GRM5: variants seen among roughly 807,000 people sequenced by gnomAD.
The protein encoded by GRM5 is glutamate metabotropic receptor 5, also known as metabotropic glutamate receptor 5.
A neutral mutation model predicts 83.1 loss-of-function variants in GRM5; 19 were observed. The observed-to-expected ratio is 0.23, with a 90% CI of 0.16 to 0.34. The LOEUF is 0.34. Among genes scored for constraint, GRM5 ranks in the 10% least tolerant of loss-of-function variants. The pLI is 1.00. For synonymous variants in GRM5, 675 were observed against 633.6 expected (o/e 1.07, Z -0.98); for missense variants, 1,160 against 1,588.3 (o/e 0.73, Z 4.58).
intron 3 of GRM5, among the ~76,000 whole-genome samples, chr11:88,761,836 G>C (rs980350189): frequency 3.7e-4 from 44 of 118,774 alleles, no homozygotes; most frequent in African/African-American, 9.8e-4. Context: ...AAAAAGCATG[G>C]TACTGGTACA....
intron 3 of GRM5, among the ~76,000 whole-genome samples, chr11:88,842,088 C>A (rs1339922289): frequency 1.3e-5 from 2 of 152,026 alleles, no homozygotes; most frequent in Admixed American, 1.3e-4. Flanking sequence ...CAAGTGTGCA[C>A]AAAAGTTTTG....
chr11:88,720,278 T>C (rs1355931840), intron 3 of GRM5, among the ~76,000 whole-genome samples: 1 of 151,086 alleles, frequency 6.6e-6, no homozygotes, highest in Admixed American at 6.6e-5. Context: ...TGTGAACTTT[T>C]AAGATAATAC....
intron 3 of GRM5, among the ~76,000 whole-genome samples, chr11:88,680,024 G>A: frequency 6.6e-6 from 1 of 152,104 alleles, no homozygotes; most frequent in East Asian, 1.9e-4. Flanking sequence ...ATTCTCTGCT[G>A]TTGTGCTGGT....
intron 3 of GRM5, among the ~76,000 whole-genome samples, chr11:88,768,603 T>C (rs766799963): frequency 1.3e-5 from 2 of 148,480 alleles, no homozygotes; most frequent in Non-Finnish European, 3.0e-5. Flanking sequence ...ATTTTTGTTA[T>C]ATGTATGAAC....
At chr11:88,808,103 A>G (rs949345681) in intron 3 of GRM5, among the ~76,000 whole-genome samples, 3 of 152,150 alleles carry the variant, frequency 2.0e-5, no homozygotes, top group Admixed American at 6.5e-5. Flanking sequence ...ATGTGATGGT[A>G]TATATATTAC....
intron 2 of GRM5, among the ~76,000 whole-genome samples, chr11:88,926,226 C>A (rs561472284): frequency 9.2e-5 from 14 of 152,252 alleles, no homozygotes; most frequent in Admixed American, 7.2e-4. Context: ...AAACCAAATC[C>A]TTCTAAAATC....
At chr11:88,705,872 A>G (rs4344492) in intron 3 of GRM5, among the ~76,000 whole-genome samples, 28,213 of 151,940 alleles carry the variant, frequency 0.19, 5,112 homozygotes, top group African/African-American at 0.46. Flanking sequence ...TTCAAAATAC[A>G]TATATCAAAC....
chr11:89,053,684 A>G (rs1016825992), intron 1 of GRM5, among the ~76,000 whole-genome samples: 2 of 4,186 alleles, frequency 4.8e-4, no homozygotes, highest in African/African-American at 1.3e-3. Flanking sequence ...TTTAAAAGCA[A>G]AAAAAAAAAA....
chr11:88,987,708 C>G (rs529277455), intron 2 of GRM5, among the ~76,000 whole-genome samples: 243 of 152,124 alleles, frequency 1.6e-3, no homozygotes, highest in African/African-American at 5.0e-3. Context: ...GACCCCTGAC[C>G]CCCGAGCAGC....
At chr11:88,669,116 C>T (rs1259082927) in intron 3 of GRM5, among the ~76,000 whole-genome samples, 2 of 152,058 alleles carry the variant, frequency 1.3e-5, no homozygotes, top group Non-Finnish European at 2.9e-5. Flanking sequence ...TTGTTCACAA[C>T]AATCAAGATG....
intron 3 of GRM5, among the ~76,000 whole-genome samples, chr11:88,809,433 G>T (rs1943551967): frequency 6.6e-6 from 1 of 151,986 alleles, no homozygotes; most frequent in Non-Finnish European, 1.5e-5. Context: ...AGGTTATATA[G>T]ATTCATTTGG....
intron 1 of GRM5, chr11:89,063,615 T>A (rs1374377884): frequency 6.6e-6 from 1 of 152,078 alleles, no homozygotes; most frequent in African/African-American, 2.4e-5. Context: ...TCAAGCTCAT[T>A]CCCTCCGCTC....
At chr11:88,896,568 CA>C (rs1355233265) in intron 2 of GRM5, among the ~76,000 whole-genome samples, 8 of 151,642 alleles carry the variant, frequency 5.3e-5, no homozygotes, top group Non-Finnish European at 8.8e-5. Context: ...ATTATGGAAG[CA>C]AAAAAATCCC....
intron 3 of GRM5, among the ~76,000 whole-genome samples, chr11:88,662,267 A>G (rs563380522): frequency 6.6e-6 from 1 of 152,304 alleles, no homozygotes; most frequent in African/African-American, 2.4e-5. Context: ...TGACAAATGT[A>G]GAGGGGATAT....
intron 2 of GRM5, among the ~76,000 whole-genome samples, chr11:88,963,883 G>T (rs1029598892): frequency 2.6e-5 from 4 of 152,086 alleles, no homozygotes; most frequent in African/African-American, 9.7e-5. Flanking sequence ...CTAATACTTG[G>T]AAAGAAAACT....
At chr11:88,537,812 A>G (rs1177144920) in intron 8 of GRM5, among the ~76,000 whole-genome samples, 4 of 152,174 alleles carry the variant, frequency 2.6e-5, no homozygotes, top group Non-Finnish European at 4.4e-5. Context: ...AATCAGATTA[A>G]AAACAAAAAC....
At chr11:88,979,980 A>G (rs1481522401) in intron 2 of GRM5, among the ~76,000 whole-genome samples, 1 of 152,156 alleles carries the variant, frequency 6.6e-6, no homozygotes, top group Non-Finnish European at 1.5e-5. Context: ...ATTTTATTGC[A>G]TGGGCTATTT....
chr11:89,042,323 C>T (rs1941553970), intron 2 of GRM5, among the ~76,000 whole-genome samples: 1 of 152,038 alleles, frequency 6.6e-6, no homozygotes. Context: ...AAAAAGGAAC[C>T]TGACTAATAA....
At chr11:88,526,012 T>G (rs951035785) in intron 8 of GRM5, among the ~76,000 whole-genome samples, 10 of 152,238 alleles carry the variant, frequency 6.6e-5, no homozygotes, top group Non-Finnish European at 7.3e-5. Flanking sequence ...AAGCTAATTA[T>G]TATCTTGAGC....
Sources: gnomAD v4.1 joint callset for allele counts (sites outside exome capture counted in the v4.1 genomes callset) on GRCh38, gnomAD v4.1.1 for gene constraint, MANE v1.5 for transcripts, NCBI Gene and HGNC (gene_info 2026-07-23, HGNC 2026-07-21) for gene names.